The following TGFB2 variants were observed in gnomAD, a reference collection of about 807,000 sequenced individuals.
TGFB2 encodes transforming growth factor beta 2.
Under a neutral mutation model 42.7 loss-of-function variants are expected in TGFB2, and 13 were observed. That is an observed-to-expected ratio of 0.30 (90% CI 0.20 to 0.48). TGFB2 has a LOEUF of 0.48. Ranked by LOEUF, TGFB2 falls within the 20% of genes least tolerant of loss-of-function variation. TGFB2 has a pLI of 0.99. For synonymous variants in TGFB2, 193 were observed against 193.6 expected, an observed-to-expected ratio of 1.00 and a Z score of 0.03; for missense variants, 390 against 517.5, an observed-to-expected ratio of 0.75 and a Z score of 2.39.
chr1:218,370,439 G>A (rs1657534242), intron 1 of TGFB2, among the ~76,000 whole-genome samples: 1 of 152,170 alleles, frequency 6.6e-6, no homozygotes, highest in South Asian at 2.1e-4. Context: ...ATTTTTACAA[G>A]GGAACAACTT....
chr1:218,407,511 C>T (rs761932782), intron 2 of TGFB2, among the ~76,000 whole-genome samples: 11 of 152,180 alleles, frequency 7.2e-5, no homozygotes, highest in Admixed American at 3.3e-4. Context: ...AATGGGCCAG[C>T]CGTTGCTCGT....
At chr1:218,432,779 A>G (rs1360029810) in intron 2 of TGFB2, among the ~76,000 whole-genome samples, 1 of 152,218 alleles carries the variant, frequency 6.6e-6, no homozygotes, top group African/African-American at 2.4e-5. Flanking sequence ...CCAAGCCCAT[A>G]GGTATGGAAT....
At chr1:218,392,097 A>G (rs939706272) in intron 1 of TGFB2, among the ~76,000 whole-genome samples, 19 of 152,322 alleles carry the variant, frequency 1.2e-4, no homozygotes, top group African/African-American at 4.6e-4. Context: ...CACGCCTGTA[A>G]TCCCAGCACT....
chr1:218,346,226 G>A lies in TGFB2; in HGVS notation c.-476G>A. 1 of 155,326 alleles carries A rather than the reference G, an allele frequency of 6.4e-6. No homozygotes were observed. Among genetic ancestry groups the A allele is most frequent in the Non-Finnish European group, 1.4e-5 (1 of 70,500 alleles). 9.6% of individuals were successfully genotyped at this position (155,326 alleles called of 1,614,324 possible). A position where few individuals can be genotyped will look rare whatever the true frequency, so the allele number is the denominator to read the frequency against. On this transcript the variant is annotated 5_prime_UTR_variant, in exon 1 of 7. Transcript: ENST00000366930. This position sits in a 1 kb window ranked among gnomAD's most constrained non-coding sequence, Gnocchi z 4.9. ...CAGCCTCGGCGGCCCCCCTCACCGCGCTCCCGGCGCCCCTCCCGTCAGTTC... is the reference window on the plus strand; with the variant it reads ...CAGCCTCGGCGGCCCCCCTCACCGCACTCCCGGCGCCCCTCCCGTCAGTTC...
At chr1:218,429,973 A>G (rs908241065) in intron 2 of TGFB2, among the ~76,000 whole-genome samples, 7 of 152,172 alleles carry the variant, frequency 4.6e-5, no homozygotes, top group African/African-American at 7.2e-5. Flanking sequence ...ACTTTCCCCA[A>G]TGATCCCCAG....
intron 1 of TGFB2, among the ~76,000 whole-genome samples, chr1:218,376,334 T>G (rs1657740854): frequency 6.6e-6 from 1 of 152,196 alleles, no homozygotes; most frequent in Non-Finnish European, 1.5e-5. Flanking sequence ...CTCAATTCCT[T>G]GTCATTTCAC....
intron 1 of TGFB2, among the ~76,000 whole-genome samples, chr1:218,391,524 T>A (rs567784226): frequency 6.6e-6 from 1 of 152,332 alleles, no homozygotes; most frequent in East Asian, 1.9e-4. Context: ...ACATCAACGA[T>A]TCTTCATTTT....
At chr1:218,347,786 T>G (rs969843514) in intron 1 of TGFB2, among the ~76,000 whole-genome samples, 2 of 152,180 alleles carry the variant, frequency 1.3e-5, no homozygotes, top group Non-Finnish European at 2.9e-5. Context: ...CACGTTATTT[T>G]TCAGAATACA....
chr1:218,414,244 CA>C, intron 2 of TGFB2, among the ~76,000 whole-genome samples: 1 of 151,932 alleles, frequency 6.6e-6, no homozygotes, highest in Non-Finnish European at 1.5e-5. Flanking sequence ...CACACACACA[CA>C]CACACACACG....
intron 6 of TGFB2, among the ~76,000 whole-genome samples, chr1:218,438,867 G>A (rs963162713): frequency 4.6e-5 from 7 of 152,114 alleles, no homozygotes; most frequent in Non-Finnish European, 8.8e-5. Flanking sequence ...CCAGCACTTC[G>A]GGAGGCCGAG....
chr1:218,367,027 C>G lies in TGFB2; in HGVS notation c.346+19980C>G, dbSNP rs971312268. Among the ~76,000 whole-genome samples the G allele has an allele frequency of 2.0e-5, 3 of 152,200 alleles. No individual in the cohort carries two copies. In the East Asian group the frequency reaches 5.8e-4, roughly 29 times the overall value. On this transcript the variant is annotated intron_variant, in intron 1 of 6. Coordinates refer to ENST00000366930, the MANE Select transcript of TGFB2 (RefSeq NM_003238.6). ...GAGTACCACACATACCCTCTGCTCACTGTTCATCACAGAGGAGAACAATGA... is the reference window on the plus strand; with the variant it reads ...GAGTACCACACATACCCTCTGCTCAGTGTTCATCACAGAGGAGAACAATGA...
chr1:218,410,835 G>A (rs1352132240), intron 2 of TGFB2, among the ~76,000 whole-genome samples: 1 of 152,200 alleles, frequency 6.6e-6, no homozygotes, highest in Non-Finnish European at 1.5e-5. Flanking sequence ...CTGTATGTAT[G>A]ATTAAAATCA....
rs148782735 is a variant in TGFB2 at position 218,387,959 on chromosome 1, C to T, written c.347-17210C>T. ...TTCTATGTCCCCCCACCCCCACTGG[C>T]ATTATTCTACATGGAAATGACTGTG... is the stretch of plus-strand genomic sequence containing the variant. On this transcript the variant is annotated intron_variant, in intron 1 of 6. Transcript: ENST00000366930. 1.1e-4 allele frequency among the ~76,000 whole-genome samples: 16 copies of T among 152,200 alleles called. No homozygotes were observed. The East Asian group carries it at 3.1e-3, about 29-fold the overall frequency.
intron 1 of TGFB2, among the ~76,000 whole-genome samples, chr1:218,367,111 C>T (rs1385883620): frequency 6.6e-6 from 1 of 152,206 alleles, no homozygotes; most frequent in Non-Finnish European, 1.5e-5. Flanking sequence ...TTTCTGCACT[C>T]AGATGCCTTC....
At chr1:218,422,973 T>C (rs193130927) in intron 2 of TGFB2, among the ~76,000 whole-genome samples, 1 of 152,286 alleles carries the variant, frequency 6.6e-6, no homozygotes, top group East Asian at 1.9e-4. Context: ...TATTAAATAT[T>C]TGAATATTAT....
chr1:218,419,654 C>G (rs568416215), intron 2 of TGFB2, among the ~76,000 whole-genome samples: 1 of 152,218 alleles, frequency 6.6e-6, no homozygotes, highest in Non-Finnish European at 1.5e-5. Context: ...AAGTATGTAA[C>G]TTATAAAGGG....
At chr1:218,404,765 A>G (rs1558248127) in intron 1 of TGFB2, among the ~76,000 whole-genome samples, 1 of 152,212 alleles carries the variant, frequency 6.6e-6, no homozygotes, top group Admixed American at 6.5e-5. Flanking sequence ...ACATGGGCAA[A>G]CTGCTGGCCA....
chr1:218,434,181 A>T lies in TGFB2; in HGVS notation c.610A>T (p.Thr204Ser). 1 of 1,614,214 alleles carries T rather than the reference A, an allele frequency of 6.2e-7. No homozygotes were observed. Among genetic ancestry groups the T allele is most frequent in the Non-Finnish European group, 8.5e-7 (1 of 1,180,020 alleles). The change falls in exon 3 of 7, where the codon ACT (threonine) becomes TCT (serine). Residue 204 changes from threonine to serine, a missense_variant. Thr to Ser is a moderately conservative substitution (Grantham distance 58, BLOSUM62 1). Coordinates refer to ENST00000366930, the MANE Select transcript of TGFB2 (RefSeq NM_003238.6). The stretch of plus-strand genomic sequence containing the variant: ...AGGCGAATGGCTCTCCTTCGATGTA[A>T]CTGATGCTGTTCATGAATGGCTTCA... ...AEGEWLSFDVTDAVHEWLHHK... is the reference protein window; with the variant it reads ...AEGEWLSFDVSDAVHEWLHHK...
At chr1:218,392,181 T>A (rs1379594358) in intron 1 of TGFB2, among the ~76,000 whole-genome samples, 1 of 152,090 alleles carries the variant, frequency 6.6e-6, no homozygotes, top group African/African-American at 2.4e-5. Flanking sequence ...AAACCCCATC[T>A]CTACTAAAAA....
Sources: allele counts gnomAD v4.1 joint callset (sites outside exome capture counted in the v4.1 genomes callset), GRCh38; gene constraint gnomAD v4.1.1; non-coding constraint Gnocchi (gnomAD v3.1); transcripts MANE v1.5; gene names NCBI Gene and HGNC (gene_info 2026-07-23, HGNC 2026-07-21).